Variants in DENND5B observed in about 807,000 individuals in gnomAD.
The protein encoded by DENND5B is DENN domain containing 5B.
DENND5B carries 34 observed loss-of-function variants against 140.6 expected under a neutral mutation model. The ratio of observed to expected loss-of-function variants is 0.24; its 90% CI spans 0.18 to 0.32. The LOEUF (loss-of-function observed/expected upper bound fraction) is 0.32. DENND5B is among the 10% of genes least tolerant of loss of function. The pLI is 1.00. For missense variants in DENND5B, 1,142 were observed against 1,560.2 expected (o/e 0.73, Z 4.52); for synonymous variants, 551 against 562.1 (o/e 0.98, Z 0.28).
chr12:31,549,029 C>T (rs576708833), intron 1 of DENND5B, among the ~76,000 whole-genome samples: 2 of 152,098 alleles, frequency 1.3e-5, no homozygotes, highest in South Asian at 2.1e-4. Flanking sequence ...CTGGGTAGCT[C>T]GGGGTACAGG....
intron 3 of DENND5B, among the ~76,000 whole-genome samples, chr12:31,474,756 C>G (rs550868845): frequency 6.6e-6 from 1 of 152,124 alleles, no homozygotes; most frequent in African/African-American, 2.4e-5. Context: ...AAGGAGGGCA[C>G]CCAAGTACAA....
At chr12:31,572,023 A>G (rs1054647337) in intron 1 of DENND5B, among the ~76,000 whole-genome samples, 1 of 152,104 alleles carries the variant, frequency 6.6e-6, no homozygotes, top group Admixed American at 6.6e-5. Flanking sequence ...TCGGGAGCTC[A>G]AGACCAGCCT....
At chr12:31,393,066 G>A (rs1217580409) in intron 17 of DENND5B, among the ~76,000 whole-genome samples, 1 of 152,182 alleles carries the variant, frequency 6.6e-6, no homozygotes, top group Non-Finnish European at 1.5e-5. Context: ...GTCACAAAAT[G>A]CTAGCAAGCC....
intron 17 of DENND5B, among the ~76,000 whole-genome samples, chr12:31,395,597 CAA>C (rs879857744): frequency 0.02 from 3,103 of 151,876 alleles, 55 homozygotes; most frequent in South Asian, 0.054. Context: ...TCAGTCAAAA[CAA>C]AACAAAACAA....
chr12:31,403,430 T>TA (rs2069497621), intron 14 of DENND5B, among the ~76,000 whole-genome samples: 1 of 150,554 alleles, frequency 6.6e-6, no homozygotes, highest in African/African-American at 2.4e-5. Context: ...CCGTCTCTAC[T>TA]AACAGTACAA....
intron 17 of DENND5B, among the ~76,000 whole-genome samples, chr12:31,393,728 C>T (rs1308154174): frequency 1.3e-5 from 2 of 152,134 alleles, no homozygotes; most frequent in Non-Finnish European, 2.9e-5. Flanking sequence ...CGCTCTGTCT[C>T]CTAGGCTGGA....
intron 1 of DENND5B, among the ~76,000 whole-genome samples, chr12:31,554,198 G>A (rs1365898721): frequency 1.0e-4 from 15 of 147,572 alleles, no homozygotes; most frequent in East Asian, 2.0e-4. Context: ...GCAGTGGCTG[G>A]TACCGGTTGT....
chr12:31,405,537 T>G (rs1349812790), intron 14 of DENND5B, among the ~76,000 whole-genome samples: 2 of 151,588 alleles, frequency 1.3e-5, no homozygotes, highest in Non-Finnish European at 2.9e-5. Context: ...TATGTATGTA[T>G]GTATGTATGT....
At chr12:31,581,634 G>A (rs756481997) in intron 1 of DENND5B, among the ~76,000 whole-genome samples, 10 of 150,704 alleles carry the variant, frequency 6.6e-5, no homozygotes, top group South Asian at 2.1e-4. Flanking sequence ...CGCTGGCTGC[G>A]GTGAGCCGAG....
chr12:31,456,103 G>T (rs1944764878), intron 4 of DENND5B, among the ~76,000 whole-genome samples: 1 of 152,064 alleles, frequency 6.6e-6, no homozygotes, highest in African/African-American at 2.4e-5. Flanking sequence ...CCTGAGGTGG[G>T]TGGATCACTT....
chr12:31,510,875 A>G (rs1947385128), intron 1 of DENND5B, among the ~76,000 whole-genome samples: 1 of 152,106 alleles, frequency 6.6e-6, no homozygotes, highest in Non-Finnish European at 1.5e-5. Flanking sequence ...AATATTTTAA[A>G]AATTCTGCCT....
chr12:31,407,487 G>T, intron 14 of DENND5B, among the ~76,000 whole-genome samples: 1 of 152,134 alleles, frequency 6.6e-6, no homozygotes, highest in Non-Finnish European at 1.5e-5. Context: ...CCTAATCAAC[G>T]AATAGTAACT....
chr12:31,417,869 T>C (rs575269307), intron 11 of DENND5B, among the ~76,000 whole-genome samples: 50 of 152,334 alleles, frequency 3.3e-4, no homozygotes, highest in African/African-American at 1.2e-3. Flanking sequence ...TTTTGCTGTA[T>C]ATTAAACCTG....
At chr12:31,492,899 T>A (rs1156514029) in intron 2 of DENND5B, among the ~76,000 whole-genome samples, 2 of 152,236 alleles carry the variant, frequency 1.3e-5, no homozygotes, top group Non-Finnish European at 2.9e-5. Context: ...CAAAATGGCA[T>A]CTCTGATTAT....
intron 1 of DENND5B, among the ~76,000 whole-genome samples, chr12:31,516,704 T>A (rs996752763): frequency 6.6e-6 from 1 of 152,218 alleles, no homozygotes; most frequent in Non-Finnish European, 1.5e-5. Flanking sequence ...ATCTGATCTA[T>A]ATATTATTTA....
intron 1 of DENND5B, among the ~76,000 whole-genome samples, chr12:31,546,466 C>T (rs907946571): frequency 6.6e-6 from 1 of 152,094 alleles, no homozygotes; most frequent in Non-Finnish European, 1.5e-5. Context: ...GTGAGTGGAT[C>T]ACTTGAGGTC....
intron 1 of DENND5B, among the ~76,000 whole-genome samples, chr12:31,516,303 T>C (rs1009068098): frequency 6.6e-6 from 1 of 151,586 alleles, no homozygotes. Flanking sequence ...TGGCAAAACC[T>C]TGTCTCCACA....
chr12:31,462,760 G>A (rs10771838), intron 3 of DENND5B, among the ~76,000 whole-genome samples: 85,101 of 151,932 alleles, frequency 0.56, 24,371 homozygotes, highest in East Asian at 0.82. Flanking sequence ...GAAGTTAGAG[G>A]CCAGTCTGGC....
At chr12:31,531,799 A>T (rs548546851) in intron 1 of DENND5B, among the ~76,000 whole-genome samples, 5 of 152,180 alleles carry the variant, frequency 3.3e-5, no homozygotes, top group African/African-American at 1.2e-4. Context: ...AACTGAGCTT[A>T]TATCTCCATT....
Sources: allele counts gnomAD v4.1 joint callset (sites outside exome capture counted in the v4.1 genomes callset), GRCh38; gene constraint gnomAD v4.1.1; transcripts MANE v1.5; gene names NCBI Gene and HGNC (gene_info 2026-07-23, HGNC 2026-07-21).